The following SCN7A variants were observed in gnomAD, a reference collection of about 807,000 sequenced individuals.
SCN7A encodes the protein sodium channel protein type 7 subunit alpha.
SCN7A carries 138 observed loss-of-function variants against 155.2 expected under a neutral mutation model. The observed-to-expected ratio is 0.89, with a 90% confidence interval of 0.77 to 1.02. SCN7A has a LOEUF of 1.02. Among genes scored for constraint, SCN7A ranks in the 50% least tolerant of loss-of-function variants. The probability of loss-of-function intolerance (pLI) is 0.00; values close to 1 mark genes in which losing one functional copy is unlikely to be tolerated. For synonymous variants in SCN7A, 693 were observed against 649.0 expected (o/e 1.07, Z -1.03); for missense variants, 2,058 against 1,986.6 (o/e 1.04, Z -0.68).
chr2:166,442,992 A>C (rs1052432142), intron 14 of SCN7A, among the ~76,000 whole-genome samples: 5 of 152,216 alleles, frequency 3.3e-5, no homozygotes, highest in African/African-American at 4.8e-5. Context: ...ACTTATCTAA[A>C]GCATATCATT....
chr2:166,470,137 C>T (rs1054860616), intron 7 of SCN7A, among the ~76,000 whole-genome samples: 2 of 151,764 alleles, frequency 1.3e-5, no homozygotes, highest in African/African-American at 2.4e-5. Flanking sequence ...AAAGTCACAA[C>T]CACATTGATG....
At chr2:166,443,066 T>C (rs142553447) in intron 14 of SCN7A, among the ~76,000 whole-genome samples, 9 of 152,298 alleles carry the variant, frequency 5.9e-5, no homozygotes, top group African/African-American at 2.2e-4. Flanking sequence ...ACCATTACCC[T>C]ACCCCATAGA....
At chr2:166,427,362 A>T (rs371483890) in intron 18 of SCN7A, among the ~76,000 whole-genome samples, 2 of 152,108 alleles carry the variant, frequency 1.3e-5, no homozygotes, top group Non-Finnish European at 2.9e-5. Flanking sequence ...TTTGTAGTTC[A>T]CAGACCCTTT....
chr2:166,484,661 T>C (rs1703006483), intron 2 of SCN7A, among the ~76,000 whole-genome samples: 1 of 151,926 alleles, frequency 6.6e-6, no homozygotes, highest in South Asian at 2.1e-4. Context: ...TATATCACAG[T>C]CAAATCTTGA....
At chr2:166,462,977 C>T (rs755940741) in intron 9 of SCN7A, among the ~76,000 whole-genome samples, 5 of 151,870 alleles carry the variant, frequency 3.3e-5, no homozygotes, top group Admixed American at 6.6e-5. Flanking sequence ...AATAAAATAC[C>T]TTGTATTAAC....
chr2:166,421,178 C>T lies in SCN7A; in HGVS notation c.3135+12G>A, dbSNP rs1470633634. ...AAAAATTTGTAGATTAGCTTAGAAACTTATCTCTTACCTTCATTCTTTCAA... is the reference window on the plus strand; with the variant it reads ...AAAAATTTGTAGATTAGCTTAGAAATTTATCTCTTACCTTCATTCTTTCAA... On this transcript the variant is annotated intron_variant, in intron 20 of 25. Coordinates refer to ENST00000643258, the MANE Select transcript of SCN7A (RefSeq NM_002976.4). 2.0e-6 allele frequency: 3 copies of T among 1,471,548 alleles called. No individual in the cohort carries two copies. The highest frequency in any genetic ancestry group is 2.6e-5 in the Admixed American group (1 of 38,704). The allele number at this position is 1,471,548 out of a possible 1,614,324, so 91.2% of individuals were successfully genotyped here.
At chr2:166,461,529 T>C (rs1274186347) in intron 10 of SCN7A, among the ~76,000 whole-genome samples, 1 of 152,134 alleles carries the variant, frequency 6.6e-6, no homozygotes, top group Non-Finnish European at 1.5e-5. Flanking sequence ...TGGTTGAATA[T>C]TGAACTGGAT....
At chr2:166,482,778 G>A (rs1249172912) in intron 2 of SCN7A, among the ~76,000 whole-genome samples, 1 of 149,016 alleles carries the variant, frequency 6.7e-6, no homozygotes, top group Non-Finnish European at 1.5e-5. Context: ...AAAAAAAAAT[G>A]CAAGCACTTA....
At chr2:166,446,848 G>A (rs1702074337) in intron 12 of SCN7A, among the ~76,000 whole-genome samples, 2 of 152,044 alleles carry the variant, frequency 1.3e-5, no homozygotes, top group Admixed American at 6.6e-5. Context: ...ACAGGGAGGT[G>A]GGCATCACAC....
intron 25 of SCN7A, among the ~76,000 whole-genome samples, chr2:166,408,055 C>A (rs1701114689): frequency 6.6e-6 from 1 of 151,960 alleles, no homozygotes; most frequent in Non-Finnish European, 1.5e-5. Flanking sequence ...CCCTTGCAAC[C>A]CTCTCAAATA....
chr2:166,422,596 G>A (rs1311329728), intron 19 of SCN7A, among the ~76,000 whole-genome samples: 1 of 152,138 alleles, frequency 6.6e-6, no homozygotes, highest in Non-Finnish European at 1.5e-5. Context: ...ATGAAGGCTG[G>A]TGCTGGTGGA....
At chr2:166,462,616 A>C (rs183855932) in intron 9 of SCN7A, 86 bp from the exon 10 acceptor site, 2 of 1,285,892 alleles carry the variant, frequency 1.6e-6, no homozygotes, top group Admixed American at 4.6e-5. Flanking sequence ...ATCAGTCCTG[A>C]GTAATAGAGA....
At chr2:166,456,488 A>G (rs1285004314) in intron 11 of SCN7A, among the ~76,000 whole-genome samples, 2 of 152,190 alleles carry the variant, frequency 1.3e-5, no homozygotes, top group Admixed American at 1.3e-4. Flanking sequence ...TGAGAAAAGG[A>G]ACTAAAACCC....
chr2:166,492,884 T>C (rs1021180193), intron 1 of SCN7A, among the ~76,000 whole-genome samples: 1 of 152,190 alleles, frequency 6.6e-6, no homozygotes, highest in Non-Finnish European at 1.5e-5. Flanking sequence ...AAAATAAAGC[T>C]TACTCAAGTT....
intron 1 of SCN7A, among the ~76,000 whole-genome samples, chr2:166,487,195 T>C (rs758886480): frequency 4.6e-5 from 7 of 152,304 alleles, no homozygotes; most frequent in Admixed American, 6.5e-5. Context: ...AACTATTAAT[T>C]ACATCCTTTT....
rs115267924 is a variant in SCN7A, at chr2:166,441,147, A to C, written c.2157+249T>G. The C allele has an allele frequency of 9.5e-4, 417 of 438,302 alleles. 2 individuals carry two copies. The highest frequency in any genetic ancestry group is 7.6e-3 in the African/African-American group (373 of 49,238). The allele number at this position is 438,302 out of a possible 1,614,324, so 27.2% of individuals were successfully genotyped here. A position where few individuals can be genotyped will look rare whatever the true frequency, so the allele number is the denominator to read the frequency against. Reference sequence around the variant, plus strand: ...TCATTAAAAAATGCATTCAATATAAAAATTATTAATGAAATAGTTCACATC... The same window carrying C: ...TCATTAAAAAATGCATTCAATATAACAATTATTAATGAAATAGTTCACATC... On this transcript the variant is annotated intron_variant, in intron 15 of 25. Coordinates refer to ENST00000643258, the MANE Select transcript of SCN7A (RefSeq NM_002976.4).
chr2:166,446,775 A>G (rs1291678639), intron 12 of SCN7A, among the ~76,000 whole-genome samples: 1 of 152,170 alleles, frequency 6.6e-6, no homozygotes, highest in Non-Finnish European at 1.5e-5. Context: ...TAGGAACAGG[A>G]ACCAAACACC....
intron 3 of SCN7A, 29 bp from the exon 4 acceptor site, chr2:166,474,373 T>TTA (rs879453171): frequency 9.5e-7 from 1 of 1,047,982 alleles, no homozygotes; most frequent in Non-Finnish European, 1.4e-6. Context: ...TCAAGTGAAA[T>TTA]TAGAACTCAG....
Position 166,473,804 on chromosome 2 carries a change from T to C in SCN7A, c.438A>G (p.Val146=), listed in dbSNP as rs775241285. ...SLTNLPKWRP[V]LENTLLGIYT... is the part of the protein sequence containing the mutation. ...AAAATAATTATATAACATACTCTAATACTGGTCTCCATTTTGGCAAATTAG... is the reference window on the plus strand; with the variant it reads ...AAAATAATTATATAACATACTCTAACACTGGTCTCCATTTTGGCAAATTAG... The change falls in exon 5 of 26, where the codon GTA becomes GTG. Residue 146 remains valine, a synonymous_variant. Transcript: ENST00000643258. 1.4e-6 allele frequency: 2 copies of C among 1,387,848 alleles called. No homozygotes were observed. Among genetic ancestry groups the C allele is most frequent in the South Asian group, 2.7e-5 (2 of 75,014 alleles). 86.0% of individuals were successfully genotyped at this position (1,387,848 alleles called of 1,614,324 possible).
Sources: allele counts gnomAD v4.1 joint callset (sites outside exome capture counted in the v4.1 genomes callset), GRCh38; gene constraint gnomAD v4.1.1; transcripts MANE v1.5; gene names NCBI Gene and HGNC (gene_info 2026-07-23, HGNC 2026-07-21).